Variants in PARP14 observed in about 807,000 individuals in gnomAD.
The protein encoded by PARP14 is protein mono-ADP-ribosyltransferase PARP14.
PARP14 carries 59 observed loss-of-function variants against 154.2 expected under a neutral mutation model. That is an observed-to-expected ratio of 0.38 (90% CI 0.31 to 0.48). The LOEUF is 0.48. Ranked by LOEUF, PARP14 falls within the 20% of genes least tolerant of loss-of-function variation. PARP14 has a pLI of 0.98. For synonymous variants in PARP14, 720 were observed against 780.5 expected, an observed-to-expected ratio of 0.92 and a Z score of 1.29; for missense variants, 1,734 against 2,131.6, an observed-to-expected ratio of 0.81 and a Z score of 3.67.
intron 14 of PARP14, among the ~76,000 whole-genome samples, chr3:122,719,678 T>C (rs1348067159): frequency 6.6e-6 from 1 of 152,130 alleles, no homozygotes; most frequent in East Asian, 1.9e-4. Context: ...CCTGGGGAAA[T>C]GATAAATCAC....
Position 122,686,965 on chromosome 3 carries a change from C to A in PARP14, c.322-115C>A. ...TGTATTCAAGAGCACCCTTATCAGA[C>A]CTTTTCATTATTGTTTCTATTTACC... On this transcript the variant is annotated intron_variant, in intron 2 of 16. Transcript: ENST00000474629. 3 of 711,486 alleles carry A rather than the reference C, an allele frequency of 4.2e-6. 1 individual carries two copies. The South Asian group carries it at 5.2e-5, about 12-fold the overall frequency. The allele number at this position is 711,486 out of a possible 1,614,324, so 44.1% of individuals were successfully genotyped here.
intron 3 of PARP14, among the ~76,000 whole-genome samples, chr3:122,690,836 G>A (rs1938518401): frequency 6.6e-6 from 1 of 152,150 alleles, no homozygotes; most frequent in African/African-American, 2.4e-5. Context: ...TTTCTCCTTC[G>A]CATCACAGTT....
At chr3:122,694,857 A>G (rs572258629) in intron 4 of PARP14, among the ~76,000 whole-genome samples, 1 of 152,152 alleles carries the variant, frequency 6.6e-6, no homozygotes, top group Non-Finnish European at 1.5e-5. Flanking sequence ...GTTGAGTCCT[A>G]AAAGATGAAT....
In PARP14 at chr3:122,701,524, T is replaced by A. The variant is rs1314640350; in HGVS notation, c.2970T>A (p.Gly990=). 1 of 1,613,046 alleles carries A rather than the reference T, an allele frequency of 6.2e-7. No individual in the cohort carries two copies. The highest frequency in any genetic ancestry group is 1.1e-5 in the South Asian group (1 of 90,950). The stretch of plus-strand genomic sequence containing the variant: ...TGCCAGATACAGCTGCCCCGCCAGG[T>A]TTACCACCAGCAGCAGCGGGGCCTG... ...ATLPDTAAPP[G]LPPAAAGPGK... is the part of the protein sequence containing the mutation. The change falls in exon 6 of 17, where the codon GGT becomes GGA. Residue 990 remains glycine, a synonymous_variant. Transcript: ENST00000474629. The surrounding 1 kb of genome is among the most constrained non-coding windows in gnomAD (Gnocchi z 4.0).
Position 122,726,506 on chromosome 3 carries a change from C to A in PARP14, c.4942-1306C>A, listed in dbSNP as rs1442747869. ...CAAATAGACTTTTCTCCCTCTCTAG[C>A]TCTTCTAGTAGTTGTTGGTGAGAGG... is the stretch of plus-strand genomic sequence containing the variant. On this transcript the variant is annotated intron_variant, in intron 15 of 16. Transcript: ENST00000474629. Among the ~76,000 whole-genome samples the A allele has an allele frequency of 1.3e-5, 2 of 152,154 alleles. 1 individual carries two copies. Among genetic ancestry groups the A allele is most frequent in the Non-Finnish European group, 2.9e-5 (2 of 68,018 alleles).
At chr3:122,682,698 A>C (rs1242034993) in intron 1 of PARP14, among the ~76,000 whole-genome samples, 1 of 151,950 alleles carries the variant, frequency 6.6e-6, no homozygotes, top group Non-Finnish European at 1.5e-5. Flanking sequence ...CTCCACCCCC[A>C]GGCTGCTCCA....
chr3:122,687,124 A>G lies in PARP14; in HGVS notation c.355+11A>G. On this transcript the variant is annotated intron_variant, in intron 3 of 16. Transcript: ENST00000474629. ...ATGTTAAAGAACCAGGTAAAATCTC[A>G]GTTGAGATGACTCTGACATTCACCA... 6.4e-7 allele frequency: 1 copy of G among 1,569,982 alleles called. No individual in the cohort carries two copies. Among genetic ancestry groups the G allele is most frequent in the Non-Finnish European group, 8.7e-7 (1 of 1,146,494 alleles).
intron 2 of PARP14, among the ~76,000 whole-genome samples, chr3:122,685,533 G>A (rs13097869): frequency 0.1 from 14,931 of 148,728 alleles, 814 homozygotes; most frequent in Admixed American, 0.13. Flanking sequence ...TTTTTGAGAC[G>A]GAGTCTCGCT....
intron 6 of PARP14, among the ~76,000 whole-genome samples, chr3:122,702,342 G>A (rs1447711334): frequency 2.0e-5 from 3 of 151,950 alleles, no homozygotes; most frequent in African/African-American, 2.4e-5. Flanking sequence ...TCAGCCTCCC[G>A]AGTAGCTGGG....
chr3:122,702,010 A>G (rs757080858), intron 6 of PARP14, among the ~76,000 whole-genome samples: 1 of 152,210 alleles, frequency 6.6e-6, no homozygotes, highest in African/African-American at 2.4e-5. Context: ...CAATCAGAGC[A>G]TAGGGTATGC....
intron 9 of PARP14, among the ~76,000 whole-genome samples, chr3:122,709,236 C>G (rs1217438599): frequency 2.0e-5 from 3 of 151,856 alleles, no homozygotes; most frequent in African/African-American, 7.3e-5. Flanking sequence ...CCCCAAATTC[C>G]ATTATATCAC....
chr3:122,711,550 T>G (rs1246883591), intron 9 of PARP14, among the ~76,000 whole-genome samples: 1 of 152,194 alleles, frequency 6.6e-6, no homozygotes, highest in Non-Finnish European at 1.5e-5. Flanking sequence ...GTAGTTTTTT[T>G]TTGTTGTATC....
rs568390490 is a variant in PARP14, at chr3:122,681,194, CGGGGCGGGGGCGGGGGCG to C, written c.187+132_187+149del. 4.6e-5 allele frequency: 3 copies of C among 65,702 alleles called. No individual in the cohort carries two copies. Among genetic ancestry groups the C allele is most frequent in the Non-Finnish European group, 9.7e-5 (3 of 31,050 alleles). The allele number at this position is 65,702 out of a possible 1,614,324, so 4.1% of individuals were successfully genotyped here. On this transcript the variant is annotated intron_variant, in intron 1 of 16. Transcript: ENST00000474629. This position sits in a 1 kb window ranked among gnomAD's most constrained non-coding sequence, Gnocchi z 5.5. ...CGGCGGCTGCTGTAGCGGAGGTGGC[CGGGGCGGGGGCGGGGGCG>C]GGGGCGGCAGAATGGATTCCGAGCG...
In PARP14 at chr3:122,701,653, A is replaced by G; in HGVS notation, c.3081+18A>G. On this transcript the variant is annotated intron_variant, in intron 6 of 16. Transcript: ENST00000474629. The surrounding 1 kb of genome is among the most constrained non-coding windows in gnomAD (Gnocchi z 4.0). ...ATGCTAAGGTGAGTGTCGCTTTTACAGAACACCACCAGGGCACTGTGACTT... is the reference window on the plus strand; with the variant it reads ...ATGCTAAGGTGAGTGTCGCTTTTACGGAACACCACCAGGGCACTGTGACTT... 6.5e-7 allele frequency: 1 copy of G among 1,530,034 alleles called. No individual in the cohort carries two copies. The highest frequency in any genetic ancestry group is 1.2e-5 in the South Asian group (1 of 82,016). 94.8% of individuals were successfully genotyped at this position (1,530,034 alleles called of 1,614,324 possible).
chr3:122,702,699 C>A (rs2107645234), intron 6 of PARP14, among the ~76,000 whole-genome samples: 1 of 152,262 alleles, frequency 6.6e-6, no homozygotes, highest in East Asian at 1.9e-4. Flanking sequence ...GGCTCTTAAC[C>A]ATTGCACTCT....
Position 122,699,826 on chromosome 3 carries a change from TG to T in PARP14, c.1273del (p.Glu425SerfsTer9). ...ATGTGAAAGATGACAGGATTTTGAT[TG>T]AGTTTGATACACTTAAGGAGATGGT... ...NDVKDDRILI[E>X]FDTLKEMVIL... On this transcript the variant is annotated frameshift_variant, in exon 6 of 17. Coordinates refer to ENST00000474629, the MANE Select transcript of PARP14 (RefSeq NM_017554.3). LOFTEE classifies it high-confidence loss of function. 1 of 1,614,030 alleles carries T rather than the reference TG, an allele frequency of 6.2e-7. No homozygotes were observed. The highest frequency in any genetic ancestry group is 8.5e-7 in the Non-Finnish European group (1 of 1,179,882).
At chr3:122,704,414 T>C (rs1228262851) in intron 7 of PARP14, 113 bp from the exon 8 acceptor site, 1 of 652,880 alleles carries the variant, frequency 1.5e-6, no homozygotes, top group African/African-American at 1.8e-5. Flanking sequence ...CCTTAATCAG[T>C]GTTGACAGCA....
intron 4 of PARP14, 103 bp from the exon 5 acceptor site, chr3:122,695,323 C>T (rs1460141702): frequency 1.6e-6 from 1 of 644,642 alleles, no homozygotes; most frequent in Non-Finnish European, 2.7e-6. Context: ...GAGTGCTTAG[C>T]TCTTCCTTTT....
chr3:122,707,033 A>G (rs1422250668), intron 8 of PARP14, among the ~76,000 whole-genome samples: 1 of 152,228 alleles, frequency 6.6e-6, no homozygotes, highest in African/African-American at 2.4e-5. Flanking sequence ...ATGGTAATTC[A>G]TGTTCATTGT....
Sources: allele counts gnomAD v4.1 joint callset (sites outside exome capture counted in the v4.1 genomes callset), GRCh38; gene constraint gnomAD v4.1.1; non-coding constraint Gnocchi (gnomAD v3.1); transcripts MANE v1.5; gene names NCBI Gene and HGNC (gene_info 2026-07-23, HGNC 2026-07-21).